Variants in NPR3 observed in about 807,000 individuals in gnomAD.
NPR3 encodes atrial natriuretic peptide receptor 3.
Under a neutral mutation model 54.5 loss-of-function variants are expected in NPR3, and 34 were observed. The observed-to-expected ratio is 0.62, with a 90% CI of 0.47 to 0.83. The LOEUF is 0.83. Ranked by LOEUF, NPR3 falls within the 40% of genes least tolerant of loss-of-function variation. The pLI is 0.00. For synonymous variants in NPR3, 289 were observed against 297.1 expected (o/e 0.97, Z 0.28); for missense variants, 674 against 720.8 (o/e 0.94, Z 0.74).
intron 3 of NPR3, among the ~76,000 whole-genome samples, chr5:32,765,658 A>T (rs561795120): frequency 6.6e-6 from 1 of 152,302 alleles, no homozygotes; most frequent in East Asian, 1.9e-4. Context: ...GTGAAACAAT[A>T]ACAAATTTTC....
chr5:32,765,101 G>A (rs565064631), intron 3 of NPR3, among the ~76,000 whole-genome samples: 1 of 152,228 alleles, frequency 6.6e-6, no homozygotes, highest in South Asian at 2.1e-4. Flanking sequence ...TTGTTACTAG[G>A]TTGGTGCATT....
chr5:32,723,226 G>A (rs1051611294), intron 1 of NPR3, among the ~76,000 whole-genome samples: 1 of 152,200 alleles, frequency 6.6e-6, no homozygotes, highest in African/African-American at 2.4e-5. Context: ...CACAGTATGT[G>A]TGCAGCAAAA....
chr5:32,709,443 C>T (rs1466376090), upstream of NPR3: 1 of 150,766 alleles, frequency 6.6e-6, no homozygotes, highest in Non-Finnish European at 1.5e-5. Flanking sequence ...CTGCCATAAA[C>T]GCCTGCCCTT....
upstream of NPR3, among the ~76,000 whole-genome samples, chr5:32,707,031 T>C (rs563727023): frequency 7.9e-5 from 12 of 152,334 alleles, no homozygotes; most frequent in African/African-American, 2.4e-4. Flanking sequence ...AATTAACTTG[T>C]CTATAAATCA....
chr5:32,734,152 C>T (rs1739605202), intron 2 of NPR3, among the ~76,000 whole-genome samples: 1 of 152,132 alleles, frequency 6.6e-6, no homozygotes, highest in South Asian at 2.1e-4. Flanking sequence ...GTAATTGGAC[C>T]AGCCTAGCCA....
intron 4 of NPR3, among the ~76,000 whole-genome samples, chr5:32,775,373 C>T (rs1375506357): frequency 6.6e-6 from 1 of 151,258 alleles, no homozygotes; most frequent in African/African-American, 2.4e-5. Flanking sequence ...CGGCTCACTG[C>T]AACTTCTGCC....
chr5:32,785,748 C>T (rs752908601), intron 7 of NPR3, among the ~76,000 whole-genome samples: 3 of 152,158 alleles, frequency 2.0e-5, no homozygotes, highest in Non-Finnish European at 2.9e-5. Context: ...TGTTCTGCCC[C>T]GTGAGGGTGG....
chr5:32,716,380 T>TC (rs1738548029), intron 1 of NPR3: 11 of 450,660 alleles, frequency 2.4e-5, no homozygotes, highest in Non-Finnish European at 4.9e-5. Context: ...TTTTTTTTTT[T>TC]CAGTTTTAGG....
intron 3 of NPR3, among the ~76,000 whole-genome samples, chr5:32,744,103 C>T: frequency 6.6e-6 from 1 of 150,680 alleles, no homozygotes; most frequent in Non-Finnish European, 1.5e-5. Flanking sequence ...GGTGATTCTC[C>T]TGCCTCAGCC....
chr5:32,710,726 G>A, upstream of NPR3: 2 of 1,547,474 alleles, frequency 1.3e-6, no homozygotes, highest in Non-Finnish European at 1.7e-6. Context: ...GGACCAGGAA[G>A]GTCAGGTGCT....
At chr5:32,769,293 G>A (rs1212752352) in intron 3 of NPR3, among the ~76,000 whole-genome samples, 3 of 152,220 alleles carry the variant, frequency 2.0e-5, no homozygotes, top group Non-Finnish European at 4.4e-5. Flanking sequence ...TTCATCAAAT[G>A]CAGAATGTCC....
chr5:32,737,552 A>G (rs1395707127), intron 2 of NPR3, among the ~76,000 whole-genome samples: 1 of 152,146 alleles, frequency 6.6e-6, no homozygotes, highest in Non-Finnish European at 1.5e-5. Context: ...GGCTTGGGGT[A>G]AACAAATGAC....
rs192727089 is a variant in NPR3, at chr5:32,696,225, G to A, written c.100+7039G>A. On this transcript the variant is annotated intron_variant, in intron 1 of 5. Coordinates refer to the NPR3 transcript ENST00000509104. ...TTATTATTCTGCATATGGATATCCA[G>A]TTTTCCCAGCACCATTTATTGAAAA... 4.6e-5 allele frequency among the ~76,000 whole-genome samples: 7 copies of A among 152,286 alleles called. No individual in the cohort carries two copies. The East Asian group carries it at 1.3e-3, about 29-fold the overall frequency.
At chr5:32,722,017 G>A (rs1738890874) in intron 1 of NPR3, among the ~76,000 whole-genome samples, 1 of 151,992 alleles carries the variant, frequency 6.6e-6, no homozygotes, top group Admixed American at 6.6e-5. Flanking sequence ...TCTACCAAAG[G>A]CCCCATCTCC....
chr5:32,713,625 A>G (rs1223840741), intron 1 of NPR3: 1 of 359,806 alleles, frequency 2.8e-6, no homozygotes, highest in East Asian at 1.7e-4. Flanking sequence ...CACGCGGATG[A>G]GACCGAAGGG....
chr5:32,720,763 A>C (rs1424369138), intron 1 of NPR3, among the ~76,000 whole-genome samples: 1 of 152,170 alleles, frequency 6.6e-6, no homozygotes, highest in Non-Finnish European at 1.5e-5. Flanking sequence ...GGATTAGCTG[A>C]TGTCCTCTGT....
intron 3 of NPR3, among the ~76,000 whole-genome samples, chr5:32,749,183 T>C (rs556386741): frequency 1.5e-5 from 2 of 131,914 alleles, no homozygotes; most frequent in South Asian, 2.3e-4. Context: ...GCTGTTATAA[T>C]TTAATAAGTA....
intron 3 of NPR3, among the ~76,000 whole-genome samples, chr5:32,758,346 C>G (rs1321242722): frequency 6.6e-6 from 1 of 151,522 alleles, no homozygotes; most frequent in African/African-American, 2.4e-5. Flanking sequence ...TGTATGTGTC[C>G]AGGAATTTAT....
chr5:32,711,741 C>A lies in NPR3; in HGVS notation c.-36C>A. Reference sequence around the variant, plus strand: ...GGTGGGTGGGGGGCAGAGGGCGAGTCGGCGGCGGCGAGGGCAAGCTCTTTC... The same window carrying A: ...GGTGGGTGGGGGGCAGAGGGCGAGTAGGCGGCGGCGAGGGCAAGCTCTTTC... On this transcript the variant is annotated 5_prime_UTR_variant, in exon 1 of 8. Transcript: ENST00000265074. 1 of 1,410,644 alleles carries A rather than the reference C, an allele frequency of 7.1e-7. No individual in the cohort carries two copies. Among genetic ancestry groups the A allele is most frequent in the South Asian group, 1.7e-5 (1 of 60,412 alleles). The allele number at this position is 1,410,644 out of a possible 1,614,324, so 87.4% of individuals were successfully genotyped here. A position where few individuals can be genotyped will look rare whatever the true frequency, so the allele number is the denominator to read the frequency against.
Sources: allele counts gnomAD v4.1 joint callset (sites outside exome capture counted in the v4.1 genomes callset), GRCh38; gene constraint gnomAD v4.1.1; transcripts MANE v1.5; gene names NCBI Gene and HGNC (gene_info 2026-07-23, HGNC 2026-07-21).